The following ZNF569 variants were observed in gnomAD, a reference collection of about 807,000 sequenced individuals.
The protein encoded by ZNF569 is zinc finger protein 569.
Under a neutral mutation model 56.3 loss-of-function variants are expected in ZNF569, and 38 were observed. The ratio of observed to expected loss-of-function variants is 0.68; its 90% CI spans 0.52 to 0.88. The LOEUF (loss-of-function observed/expected upper bound fraction) is 0.88, where lower values mean the gene tolerates loss of function less well. Ranked by LOEUF, ZNF569 falls within the 40% of genes least tolerant of loss-of-function variation. ZNF569 has a pLI of 0.00. For synonymous variants in ZNF569, 241 were observed against 262.9 expected (o/e 0.92, Z 0.81); for missense variants, 666 against 809.2 (o/e 0.82, Z 2.15).
At chr19:37,464,088 T>C (rs1177614222) in intron 2 of ZNF569, among the ~76,000 whole-genome samples, 2 of 152,186 alleles carry the variant, frequency 1.3e-5, no homozygotes, top group East Asian at 1.9e-4. Context: ...TGTACGGTGT[T>C]TATAGTCAAC....
chr19:37,457,960 T>G (rs533330884), intron 2 of ZNF569, among the ~76,000 whole-genome samples: 1 of 152,262 alleles, frequency 6.6e-6, no homozygotes, highest in Non-Finnish European at 1.5e-5. Flanking sequence ...AGGCTTCATC[T>G]CCGAGATTCA....
intron 3 of ZNF569, 61 bp from the exon 4 acceptor site, chr19:37,426,439 T>C: frequency 6.7e-7 from 1 of 1,492,470 alleles, no homozygotes; most frequent in Non-Finnish European, 8.9e-7. Context: ...GTAAACAAAA[T>C]ATATTGAACC....
In ZNF569 at chr19:37,437,330, C is replaced by A. The variant is rs114330740; in HGVS notation, c.15+7577G>T. On this transcript the variant is annotated intron_variant, in intron 3 of 5. Transcript: ENST00000316950. ...AAAACTGAGTACAGAAGGAACATAC[C>A]TCAATACAATAAAAGCCATATATGA... 2.9e-3 allele frequency among the ~76,000 whole-genome samples: 441 copies of A among 152,158 alleles called. 3 individuals carry two copies. Among genetic ancestry groups the A allele is most frequent in the African/African-American group, 0.01 (423 of 41,512 alleles).
chr19:37,457,214 C>T (rs17243355), intron 2 of ZNF569, among the ~76,000 whole-genome samples: 2 of 151,986 alleles, frequency 1.3e-5, no homozygotes, highest in South Asian at 2.1e-4. Flanking sequence ...ATTAAACATT[C>T]GTACAATAAA....
intron 5 of ZNF569, among the ~76,000 whole-genome samples, chr19:37,421,647 ATCT>A (rs905554061): frequency 1.3e-5 from 2 of 151,266 alleles, no homozygotes; most frequent in Non-Finnish European, 2.9e-5. Context: ...GGCTGGTTTG[ATCT>A]TCTACCCAGA....
Position 37,412,753 on chromosome 19 carries a change from G to A in ZNF569, c.1905C>T (p.Asp635=). 1 of 1,613,502 alleles carries A rather than the reference G, an allele frequency of 6.2e-7. No homozygotes were observed. The highest frequency in any genetic ancestry group is 8.5e-7 in the Non-Finnish European group (1 of 1,179,808). ...IRGHTGEKPF[D]CSKCGKAFSQ... Reference sequence around the variant, plus strand: ...AGAAGGCTTTTCCACATTTACTACAGTCGAAGGGTTTCTCACCTGTATGTC... The same window carrying A: ...AGAAGGCTTTTCCACATTTACTACAATCGAAGGGTTTCTCACCTGTATGTC... Residue 635 remains aspartate (D), a synonymous_variant, in exon 6 of 6, where the codon GAC becomes GAT. Transcript: ENST00000316950.
At chr19:37,454,852 G>A in intron 2 of ZNF569, 3 of 702,444 alleles carry the variant, frequency 4.3e-6, no homozygotes, top group Non-Finnish European at 7.8e-6. Flanking sequence ...ATGGTGTCTG[G>A]CAGAGTCCAT....
In ZNF569 at chr19:37,414,104, G is replaced by T. The variant is rs751286253; in HGVS notation, c.554C>A (p.Pro185His). Residue 185 changes from proline (P) to histidine (H), a missense_variant, in exon 6 of 6, where the codon CCC becomes CAC. Pro to His is a moderately conservative substitution (Grantham distance 77, BLOSUM62 -2). Coordinates refer to ENST00000316950, the MANE Select transcript of ZNF569 (RefSeq NM_152484.3). ...TTTTCCACAATGATTACACTTAAAG[G>T]GGGTAATGACAAAATGGGATGAGCT... ...GNSSSHFVITPFKCNHCGKGF... is the reference protein window; with the variant it reads ...GNSSSHFVITHFKCNHCGKGF... 6.2e-7 allele frequency: 1 copy of T among 1,613,760 alleles called. No homozygotes were observed. The highest frequency in any genetic ancestry group is 2.2e-5 in the East Asian group (1 of 44,856).
chr19:37,439,208 T>G (rs1254385864), intron 3 of ZNF569, among the ~76,000 whole-genome samples: 1 of 152,114 alleles, frequency 6.6e-6, no homozygotes, highest in Non-Finnish European at 1.5e-5. Context: ...GTAGCTGGGA[T>G]TTGAGGTGTG....
chr19:37,426,146 C>CAAGCT (rs1221846808), intron 4 of ZNF569, 106 bp downstream of exon 4: 2 of 1,408,324 alleles, frequency 1.4e-6, no homozygotes, highest in African/African-American at 2.9e-5. Flanking sequence ...ATCCCAAGGC[C>CAAGCT]AAGCTCACTC....
intron 2 of ZNF569, among the ~76,000 whole-genome samples, chr19:37,451,921 G>A (rs751159095): frequency 1.1e-4 from 17 of 152,220 alleles, no homozygotes; most frequent in South Asian, 1.0e-3. Context: ...TTTAATGTGC[G>A]TTTCCTGTAA....
chr19:37,458,074 T>C (rs1294932811), intron 2 of ZNF569, among the ~76,000 whole-genome samples: 2 of 152,170 alleles, frequency 1.3e-5, no homozygotes, highest in African/African-American at 4.8e-5. Context: ...TTTTGCCATG[T>C]TGCCCAGGCT....
At chr19:37,460,021 A>G (rs1380769844) in intron 2 of ZNF569, among the ~76,000 whole-genome samples, 1 of 152,264 alleles carries the variant, frequency 6.6e-6, no homozygotes, top group African/African-American at 2.4e-5. Context: ...TAGTAATCAG[A>G]CAAAGGAGGG....
intron 3 of ZNF569, among the ~76,000 whole-genome samples, chr19:37,428,237 TG>T (rs979653095): frequency 6.6e-6 from 1 of 152,180 alleles, no homozygotes; most frequent in Non-Finnish European, 1.5e-5. Context: ...CTAGGCGCGG[TG>T]GCTCACGCCT....
At position 37,418,758 on chromosome 19, in the gene ZNF569, A is replaced by G. The variant is rs949229882; in HGVS notation, c.239-4339T>C. On this transcript the variant is annotated intron_variant, in intron 5 of 5. Transcript: ENST00000316950. Reference sequence around the variant, plus strand: ...CTATCACTCCCAAGAGAAGATGGGAAGACTACTCTCTGCTTCTGGAGAAAT... The same window carrying G: ...CTATCACTCCCAAGAGAAGATGGGAGGACTACTCTCTGCTTCTGGAGAAAT... 3.9e-5 allele frequency among the ~76,000 whole-genome samples: 6 copies of G among 152,304 alleles called. 1 individual carries two copies. Among genetic ancestry groups the G allele is most frequent in the Admixed American group, 3.9e-4 (6 of 15,292 alleles).
In ZNF569 at chr19:37,465,443, G is replaced by A. The variant is rs2041814919; in HGVS notation, c.-174C>T. ...GACAGCCTTCAATAAATGAGTCTATGAATGAATGAATCCTTAATATATGAA... is the reference window on the plus strand; with the variant it reads ...GACAGCCTTCAATAAATGAGTCTATAAATGAATGAATCCTTAATATATGAA... On this transcript the variant is annotated 5_prime_UTR_variant, in exon 2 of 6. Transcript: ENST00000316950. 6.6e-6 allele frequency: 1 copy of A among 152,172 alleles called. No individual in the cohort carries two copies. The highest frequency in any genetic ancestry group is 2.4e-5 in the African/African-American group (1 of 41,442). 9.4% of individuals were successfully genotyped at this position (152,172 alleles called of 1,614,324 possible). A position where few individuals can be genotyped will look rare whatever the true frequency, so the allele number is the denominator to read the frequency against.
At chr19:37,426,757 G>C (rs1217284360) in intron 3 of ZNF569, among the ~76,000 whole-genome samples, 1 of 152,228 alleles carries the variant, frequency 6.6e-6, no homozygotes, top group Non-Finnish European at 1.5e-5. Context: ...CATGCAACTG[G>C]AGATAGCCAC....
chr19:37,468,317 G>A (rs755037028), upstream of ZNF569, among the ~76,000 whole-genome samples: 4 of 152,144 alleles, frequency 2.6e-5, no homozygotes, highest in African/African-American at 4.8e-5. Flanking sequence ...TCGAACTCCT[G>A]AGCTCAAGCG....
At chr19:37,456,199 G>T (rs558589294) in intron 2 of ZNF569, among the ~76,000 whole-genome samples, 1 of 151,904 alleles carries the variant, frequency 6.6e-6, no homozygotes, top group South Asian at 2.1e-4. Context: ...AAAGTTTTTG[G>T]CCTTTCTTCT....
Sources: gnomAD v4.1 joint callset for allele counts (sites outside exome capture counted in the v4.1 genomes callset) on GRCh38, gnomAD v4.1.1 for gene constraint, MANE v1.5 for transcripts, NCBI Gene and HGNC (gene_info 2026-07-23, HGNC 2026-07-21) for gene names.